TTLL5: variants seen among roughly 807,000 people sequenced by gnomAD.
TTLL5 encodes tubulin tyrosine ligase like 5, also known as tubulin polyglutamylase TTLL5.
TTLL5 carries 132 observed loss-of-function variants against 168.4 expected under a neutral mutation model. That is an observed-to-expected ratio of 0.78 (90% confidence interval 0.68 to 0.91). The LOEUF (loss-of-function observed/expected upper bound fraction) is 0.91. TTLL5 is among the 40% of genes least tolerant of loss of function. TTLL5 has a pLI of 0.00. For synonymous variants in TTLL5, 546 were observed against 558.6 expected (o/e 0.98, Z 0.32); for missense variants, 1,545 against 1,581.5 (o/e 0.98, Z 0.39).
At chr14:75,917,392 T>G (rs533621579) in intron 31 of TTLL5, among the ~76,000 whole-genome samples, 1 of 152,358 alleles carries the variant, frequency 6.6e-6, no homozygotes, top group South Asian at 2.1e-4. Flanking sequence ...CTGAACTGCT[T>G]CTTCATCTGA....
intron 28 of TTLL5, among the ~76,000 whole-genome samples, chr14:75,823,021 G>A (rs1476402328): frequency 3.9e-5 from 6 of 152,170 alleles, no homozygotes; most frequent in South Asian, 2.1e-4. Context: ...GCCATTCTCC[G>A]GAAGAGAAAG....
chr14:75,882,633 T>G (rs2140023551), intron 29 of TTLL5, 52 bp from the exon 30 acceptor site: 2 of 1,496,184 alleles, frequency 1.3e-6, no homozygotes, highest in South Asian at 2.4e-5. Context: ...ATACAGTAAA[T>G]GGGTTGTGAA....
At chr14:75,668,815 G>C (rs536128814) in intron 2 of TTLL5, among the ~76,000 whole-genome samples, 1 of 152,238 alleles carries the variant, frequency 6.6e-6, no homozygotes, top group Admixed American at 6.5e-5. Context: ...CATCAGTTAG[G>C]ATTCTTTATG....
chr14:75,914,033 A>AAAAATATATATATATATATAT, intron 31 of TTLL5, among the ~76,000 whole-genome samples: 4 of 71,092 alleles, frequency 5.6e-5, no homozygotes, highest in Admixed American at 1.8e-4. Flanking sequence ...AAAAAAAAAA[A>AAAAATATATATATATATATAT]ATATATATAT....
Position 75,683,646 on chromosome 14 carries a change from C to T in TTLL5, c.361C>T (p.His121Tyr), listed in dbSNP as rs751664317. Reference protein sequence around the residue: ...RTLSEAQKVNHFPRSYELTRK... With the variant: ...RTLSEAQKVNYFPRSYELTRK... The stretch of plus-strand genomic sequence containing the variant: ...CCTCTCTGAAGCACAAAAAGTTAAT[C>T]ACTTTCCCAGGTAATGCTCTTTGTA... The change falls in exon 5 of 32, where the codon CAC becomes TAC. Residue 121 changes from histidine (H) to tyrosine (Y), a missense_variant. His to Tyr is a moderately conservative substitution (Grantham distance 83). Coordinates refer to ENST00000298832, the MANE Select transcript of TTLL5 (RefSeq NM_015072.5). 2.5e-6 allele frequency: 4 copies of T among 1,613,516 alleles called. No homozygotes were observed. Among genetic ancestry groups the T allele is most frequent in the Admixed American group, 1.7e-5 (1 of 60,022 alleles).
Position 75,819,958 on chromosome 14 carries a change from T to A in TTLL5, c.3172-49T>A, listed in dbSNP as rs150520653. On this transcript the variant is annotated intron_variant, in intron 27 of 31. Transcript: ENST00000298832. ...TTTGCCTATATGTTGTTAATGATGC[T>A]TTTTAAAAACTCTGTAAAGTCAGGT... 2.5e-4 allele frequency: 383 copies of A among 1,544,410 alleles called. 1 individual carries two copies. The highest frequency in any genetic ancestry group is 3.2e-4 in the Non-Finnish European group (368 of 1,147,170).
intron 31 of TTLL5, among the ~76,000 whole-genome samples, chr14:75,941,843 CTTTTTT>C (rs71122506): frequency 7.2e-5 from 5 of 69,404 alleles, no homozygotes; most frequent in African/African-American, 2.9e-4. Flanking sequence ...TCATGATGAA[CTTTTTT>C]TTTTTTTTTT....
chr14:75,763,655 C>G (rs1890799126), intron 18 of TTLL5, among the ~76,000 whole-genome samples: 1 of 152,200 alleles, frequency 6.6e-6, no homozygotes, highest in Non-Finnish European at 1.5e-5. Flanking sequence ...GATATAGATA[C>G]TGCTTTTCTG....
At chr14:75,888,935 GAA>G (rs10680423) in intron 30 of TTLL5, among the ~76,000 whole-genome samples, 1 of 145,572 alleles carries the variant, frequency 6.9e-6, no homozygotes, top group African/African-American at 2.5e-5. Context: ...GACTGTCTCC[GAA>G]AAAAAAAAAA....
intron 31 of TTLL5, among the ~76,000 whole-genome samples, chr14:75,921,996 T>C (rs1239901389): frequency 2.0e-5 from 3 of 152,224 alleles, no homozygotes. Context: ...CAATTGTGAA[T>C]GGGAGTTCGC....
At chr14:75,767,786 GA>G (rs1891053615) in intron 20 of TTLL5, among the ~76,000 whole-genome samples, 1 of 152,172 alleles carries the variant, frequency 6.6e-6, no homozygotes, top group Admixed American at 6.5e-5. Flanking sequence ...GCAGGGGGGT[GA>G]GTTAGGGACT....
intron 18 of TTLL5, among the ~76,000 whole-genome samples, chr14:75,762,393 T>C (rs926540284): frequency 3.9e-5 from 6 of 152,126 alleles, no homozygotes; most frequent in African/African-American, 1.4e-4. Flanking sequence ...AGACTCCGTC[T>C]CAAAATAAAT....
intron 27 of TTLL5, among the ~76,000 whole-genome samples, chr14:75,808,332 C>T (rs1271060140): frequency 2.0e-5 from 3 of 152,086 alleles, no homozygotes; most frequent in Non-Finnish European, 4.4e-5. Flanking sequence ...TTTCCTGACC[C>T]CCTTTAAAAT....
At chr14:75,665,385 T>C (rs576680517) in intron 2 of TTLL5, among the ~76,000 whole-genome samples, 3 of 152,186 alleles carry the variant, frequency 2.0e-5, no homozygotes, top group Non-Finnish European at 4.4e-5. Context: ...GGAAGCAGCA[T>C]AGATGTCTGG....
intron 3 of TTLL5, among the ~76,000 whole-genome samples, chr14:75,680,555 C>G (rs1224714449): frequency 6.6e-6 from 1 of 151,346 alleles, no homozygotes; most frequent in Non-Finnish European, 1.5e-5. Context: ...TTTCTAACCT[C>G]TGGTCTAAGA....
At chr14:75,788,099 A>G (rs1263915726) in intron 26 of TTLL5, among the ~76,000 whole-genome samples, 1 of 152,216 alleles carries the variant, frequency 6.6e-6, no homozygotes, top group Non-Finnish European at 1.5e-5. Context: ...CAGTCTGGGC[A>G]ACATAGCGAG....
At chr14:75,934,665 G>A (rs989618773) in intron 31 of TTLL5, among the ~76,000 whole-genome samples, 3 of 152,102 alleles carry the variant, frequency 2.0e-5, no homozygotes, top group African/African-American at 7.2e-5. Context: ...TTTATCATTA[G>A]TAAAAAAGCA....
At chr14:75,853,466 A>G (rs910595382) in intron 28 of TTLL5, among the ~76,000 whole-genome samples, 4 of 152,200 alleles carry the variant, frequency 2.6e-5, no homozygotes, top group African/African-American at 9.6e-5. Flanking sequence ...AGCAGGAACT[A>G]TGTGTTTTTC....
intron 31 of TTLL5, among the ~76,000 whole-genome samples, chr14:75,924,929 C>T (rs1261930575): frequency 6.7e-6 from 1 of 150,162 alleles, no homozygotes; most frequent in East Asian, 2.0e-4. Context: ...CCCCCACCTC[C>T]CTCCTGGACG....
Sources: gnomAD v4.1 joint callset for allele counts (sites outside exome capture counted in the v4.1 genomes callset) on GRCh38, gnomAD v4.1.1 for gene constraint, MANE v1.5 for transcripts, NCBI Gene and HGNC (gene_info 2026-07-23, HGNC 2026-07-21) for gene names.